Variants in HOXC4 observed in about 807,000 individuals in gnomAD.
HOXC4 encodes homeobox C4, also known as homeobox protein Hox-C4.
Under a neutral mutation model 25.5 loss-of-function variants are expected in HOXC4, and 15 were observed. That is an observed-to-expected ratio of 0.59 (90% CI 0.39 to 0.91). HOXC4 has a LOEUF of 0.91. Ranked by LOEUF, HOXC4 falls within the 40% of genes least tolerant of loss-of-function variation. The pLI, the probability that HOXC4 is intolerant of heterozygous loss-of-function variation, is 0.00. For missense variants in HOXC4, 342 were observed against 352.4 expected, an observed-to-expected ratio of 0.97 and a Z score of 0.24; for synonymous variants, 165 against 148.0, an observed-to-expected ratio of 1.11 and a Z score of -0.83.
At chr12:54,030,738 C>T (rs1257449851) in intron 1 of HOXC4, 1 of 152,612 alleles carries the variant, frequency 6.6e-6, no homozygotes, top group South Asian at 2.1e-4. Flanking sequence ...ATAAATAAAT[C>T]CCTTCGTGTT....
chr12:54,047,902 C>G (rs1461005249), intron 1 of HOXC4: 1 of 152,180 alleles, frequency 6.6e-6, no homozygotes, highest in East Asian at 1.9e-4. Context: ...CCCACTGGTG[C>G]CACGATTTTG....
intron 1 of HOXC4, chr12:54,033,147 T>C: frequency 1.2e-6 from 2 of 1,612,622 alleles, no homozygotes; most frequent in South Asian, 2.2e-5. Flanking sequence ...AGCCAATTCA[T>C]TCTATAAGCA....
chr12:54,050,173 G>A (rs1937812587), upstream of HOXC4, among the ~76,000 whole-genome samples: 4 of 152,270 alleles, frequency 2.6e-5, no homozygotes, highest in South Asian at 8.3e-4. Context: ...TTGTTACTGG[G>A]GAGGGGAGGA....
intron 1 of HOXC4, chr12:54,028,821 C>A (rs1161164447): frequency 6.2e-7 from 1 of 1,614,056 alleles, no homozygotes; most frequent in Non-Finnish European, 8.5e-7. Context: ...AGACCTCAAT[C>A]GCTCAGGATT....
intron 1 of HOXC4, chr12:54,029,787 T>C (rs1940911121): frequency 6.2e-7 from 1 of 1,613,816 alleles, no homozygotes; most frequent in South Asian, 1.1e-5. Flanking sequence ...GCCAACGCGC[T>C]TTGCCTGACC....
intron 1 of HOXC4, chr12:54,028,597 C>T: frequency 6.2e-7 from 1 of 1,614,088 alleles, no homozygotes; most frequent in Non-Finnish European, 8.5e-7. Flanking sequence ...CAACGTCGCC[C>T]TCAATTCCAC....
chr12:54,043,962 G>C (rs918525911), intron 1 of HOXC4, among the ~76,000 whole-genome samples: 1 of 122,522 alleles, frequency 8.2e-6, no homozygotes, highest in African/African-American at 3.6e-5. Flanking sequence ...GTGTGTGTGT[G>C]TGTGTTTAGG....
chr12:54,054,229 C>T lies in HOXC4; in HGVS notation c.307C>T (p.Leu103Phe), dbSNP rs1320753699. 6.2e-7 allele frequency: 1 copy of T among 1,611,796 alleles called. No individual in the cohort carries two copies. The highest frequency in any genetic ancestry group is 1.3e-5 in the African/African-American group (1 of 74,870). ...ACAGTCGCTCTGCGAGCCGGCGCCT[C>T]TCTCAGGCGCCTCCGCCTCCCCGTC... ...KSQSLCEPAPLSGASASPSPA... is the reference protein window; with the variant it reads ...KSQSLCEPAPFSGASASPSPA... Residue 103 changes from leucine to phenylalanine, a missense_variant, in exon 1 of 2, where the codon CTC becomes TTC. By Grantham distance (22) the Leu-to-Phe change is conservative. Transcript: ENST00000430889.
intron 1 of HOXC4, among the ~76,000 whole-genome samples, chr12:54,045,855 C>G (rs570117772): frequency 6.6e-6 from 1 of 152,166 alleles, no homozygotes; most frequent in Non-Finnish European, 1.5e-5. Flanking sequence ...ATCTGTCCCT[C>G]GAAAACCTAC....
intron 1 of HOXC4, among the ~76,000 whole-genome samples, chr12:54,022,759 G>A (rs967264772): frequency 6.6e-6 from 1 of 152,098 alleles, no homozygotes; most frequent in African/African-American, 2.4e-5. Flanking sequence ...TAACTGGTAG[G>A]ACATTTACAA....
chr12:54,050,808 T>C (rs765632447), upstream of HOXC4, among the ~76,000 whole-genome samples: 1 of 152,164 alleles, frequency 6.6e-6, no homozygotes, highest in Non-Finnish European at 1.5e-5. Context: ...GCATGTTGAA[T>C]TAGCTGCACG....
At chr12:54,022,286 T>C (rs189641225) in intron 1 of HOXC4, 2 of 152,232 alleles carry the variant, frequency 1.3e-5, no homozygotes, top group East Asian at 3.9e-4. Flanking sequence ...GTCATTCTTC[T>C]CCCACACTCC....
chr12:54,024,379 T>G (rs1555184705), intron 1 of HOXC4, among the ~76,000 whole-genome samples: 1 of 152,086 alleles, frequency 6.6e-6, no homozygotes, highest in Non-Finnish European at 1.5e-5. Context: ...GAGCTGTAGT[T>G]GCAGCGCGGC....
chr12:54,033,515 G>A, intron 1 of HOXC4: 1 of 1,583,458 alleles, frequency 6.3e-7, no homozygotes, highest in Non-Finnish European at 8.6e-7. Context: ...CCGCCGGACT[G>A]AGCCAGCCAC....
intron 1 of HOXC4, chr12:54,034,093 G>C (rs1415648161): frequency 1.4e-6 from 1 of 721,070 alleles, no homozygotes; most frequent in Non-Finnish European, 2.6e-6. Context: ...AAAGTTTCCT[G>C]CCTGGGCGGA....
At chr12:54,026,447 A>C (rs1174657908) in intron 1 of HOXC4, among the ~76,000 whole-genome samples, 1 of 152,230 alleles carries the variant, frequency 6.6e-6, no homozygotes, top group Non-Finnish European at 1.5e-5. Context: ...CCCAAAAATG[A>C]GATAACTCAT....
intron 1 of HOXC4, among the ~76,000 whole-genome samples, chr12:54,037,080 G>A (rs892628973): frequency 2.0e-5 from 3 of 152,234 alleles, no homozygotes; most frequent in Non-Finnish European, 4.4e-5. Context: ...TAGACACAGA[G>A]TGCCTGCCTG....
intron 1 of HOXC4, among the ~76,000 whole-genome samples, chr12:54,036,595 C>G (rs901254677): frequency 3.3e-5 from 5 of 152,166 alleles, no homozygotes; most frequent in African/African-American, 4.8e-5. Context: ...ACCACCCTTC[C>G]CCTTCGCACT....
chr12:54,029,411 G>GCCCC (rs1296757845), intron 1 of HOXC4, among the ~76,000 whole-genome samples: 20 of 76,916 alleles, frequency 2.6e-4, no homozygotes, highest in South Asian at 1.5e-3. Flanking sequence ...CCGCCCCCCC[G>GCCCC]CCCCCCCCCC....
Sources: gnomAD v4.1 joint callset for allele counts (sites outside exome capture counted in the v4.1 genomes callset) on GRCh38, gnomAD v4.1.1 for gene constraint, MANE v1.5 for transcripts, NCBI Gene and HGNC (gene_info 2026-07-23, HGNC 2026-07-21) for gene names.